The following C8B variants were observed in gnomAD, a reference collection of about 807,000 sequenced individuals.
C8B encodes the protein complement component C8 beta chain.
C8B carries 67 observed loss-of-function variants against 64.6 expected under a neutral mutation model. The observed-to-expected ratio is 1.04, with a 90% CI of 0.85 to 1.27. The LOEUF (loss-of-function observed/expected upper bound fraction) is 1.27, where lower values mean the gene tolerates loss of function less well. Among genes scored for constraint, C8B ranks in the 50% most tolerant of loss-of-function variants. The pLI is 0.00. For missense variants in C8B, 790 were observed against 725.2 expected (o/e 1.09, Z -1.03); for synonymous variants, 284 against 257.7 (o/e 1.10, Z -0.98).
rs761246922 is a variant in C8B at position 56,960,025 on chromosome 1, T to C, written c.244A>G (p.Lys82Glu). The C allele has an allele frequency of 6.2e-7, 1 of 1,614,168 alleles. No homozygotes were observed. The highest frequency in any genetic ancestry group is 1.1e-5 in the South Asian group (1 of 91,082). The change falls in exon 2 of 12, where the codon AAA becomes GAA. Residue 82 changes from lysine (K) to glutamate (E), a missense_variant. Transcript: ENST00000371237. ...SWTTCDPCQK[K>E]RYRYAYLLQP... The stretch of plus-strand genomic sequence containing the variant: ...TCCCAGGCCTGGTTGCTTACCCTTT[T>C]CTTCTGACAGGGGTCACATGTGGTC...
intron 1 of C8B, among the ~76,000 whole-genome samples, chr1:56,965,398 AGTGT>A (rs56761445): frequency 1.4e-5 from 2 of 142,578 alleles, no homozygotes; most frequent in African/African-American, 2.7e-5. Context: ...AGAGAGAGAG[AGTGT>A]GTGTGTGTGT....
rs2101477588 is a variant in C8B, at chr1:56,963,994, CT to C, written c.92+1862del. The C allele has an allele frequency of 1.2e-5, 12 of 985,348 alleles. No individual in the cohort carries two copies. The South Asian group carries it at 4.7e-4, about 39-fold the overall frequency. 61.0% of individuals were successfully genotyped at this position (985,348 alleles called of 1,614,324 possible). A position where few individuals can be genotyped will look rare whatever the true frequency, so the allele number is the denominator to read the frequency against. ...CTACTCGCAGATGGAATTCAAATAC[CT>C]GTCGTGTTCAAGACAGCCCCATGGG... is the stretch of plus-strand genomic sequence containing the variant. On this transcript the variant is annotated intron_variant, in intron 1 of 11. Coordinates refer to ENST00000371237, the MANE Select transcript of C8B (RefSeq NM_000066.4).
chr1:56,937,018 A>G (rs537789684), intron 9 of C8B, among the ~76,000 whole-genome samples: 1 of 152,234 alleles, frequency 6.6e-6, no homozygotes, highest in African/African-American at 2.4e-5. Flanking sequence ...GGACCAGAGT[A>G]ATTTGCTTTG....
chr1:56,952,362 A>T (rs1645035739), intron 4 of C8B, among the ~76,000 whole-genome samples, 182 bp from the exon 5 acceptor site: 1 of 152,164 alleles, frequency 6.6e-6, no homozygotes, highest in Non-Finnish European at 1.5e-5. Flanking sequence ...CACGTGCCCT[A>T]GTCCCCAGCC....
intron 6 of C8B, among the ~76,000 whole-genome samples, chr1:56,947,999 G>C (rs1369322369): frequency 6.6e-6 from 1 of 152,122 alleles, no homozygotes; most frequent in Non-Finnish European, 1.5e-5. Flanking sequence ...TTTCATGTTT[G>C]CTGCTCCTAC....
At chr1:56,958,833 T>A (rs949756622) in intron 2 of C8B, among the ~76,000 whole-genome samples, 3 of 152,202 alleles carry the variant, frequency 2.0e-5, no homozygotes, top group African/African-American at 7.2e-5. Flanking sequence ...ATTGATCCAA[T>A]TAACTGGGTG....
At position 56,955,788 on chromosome 1, in the gene C8B, C is replaced by A. The variant is rs532305499; in HGVS notation, c.392-961G>T. On this transcript the variant is annotated intron_variant, in intron 3 of 11. Transcript: ENST00000371237. The stretch of plus-strand genomic sequence containing the variant: ...GAAATTGCTCTAAGAATCCCTAACT[C>A]TTTCTTGAAAGATCCCCATGCACAG... 2.6e-5 allele frequency among the ~76,000 whole-genome samples: 4 copies of A among 152,340 alleles called. No homozygotes were observed. The East Asian group carries it at 7.7e-4, about 29-fold the overall frequency.
chr1:56,951,086 A>C (rs1312849786), intron 5 of C8B, among the ~76,000 whole-genome samples: 1 of 152,092 alleles, frequency 6.6e-6, no homozygotes, highest in Non-Finnish European at 1.5e-5. Flanking sequence ...TGGTGCAATA[A>C]ATACATTTTA....
At chr1:56,958,523 C>A (rs1015303038) in intron 2 of C8B, among the ~76,000 whole-genome samples, 4 of 152,102 alleles carry the variant, frequency 2.6e-5, no homozygotes, top group African/African-American at 9.7e-5. Flanking sequence ...AAGCTCCAGG[C>A]TCCAAAGGCA....
intron 2 of C8B, among the ~76,000 whole-genome samples, chr1:56,957,907 C>A (rs1232346263): frequency 6.6e-6 from 1 of 152,064 alleles, no homozygotes; most frequent in Non-Finnish European, 1.5e-5. Flanking sequence ...CTAAGTGACA[C>A]CTCAGCTGAA....
chr1:56,963,047 T>C lies in C8B; in HGVS notation c.92+2810A>G, dbSNP rs75996349. On this transcript the variant is annotated intron_variant, in intron 1 of 11. Transcript: ENST00000371237. ...TTTATATTTTCCCAATGTTTTGCGA[T>C]TGCAAATAGAGCTACAGTAAACGCC... 2.4e-3 allele frequency among the ~76,000 whole-genome samples: 367 copies of C among 152,358 alleles called. 3 individuals are homozygous for C. Among genetic ancestry groups the C allele is most frequent in the African/African-American group, 8.5e-3 (352 of 41,572 alleles).
intron 10 of C8B, among the ~76,000 whole-genome samples, chr1:56,932,743 C>T (rs1362473233): frequency 6.6e-6 from 1 of 152,214 alleles, no homozygotes; most frequent in Non-Finnish European, 1.5e-5. Context: ...TATATCCCTT[C>T]CGTTGAGCTA....
chr1:56,938,772 T>C (rs2101377389), intron 9 of C8B, among the ~76,000 whole-genome samples: 1 of 152,324 alleles, frequency 6.6e-6, no homozygotes, highest in South Asian at 2.1e-4. Context: ...TAGAAATTGC[T>C]TGTCTACTGG....
At chr1:56,935,512 C>T (rs1644763624) in intron 9 of C8B, among the ~76,000 whole-genome samples, 1 of 152,164 alleles carries the variant, frequency 6.6e-6, no homozygotes, top group South Asian at 2.1e-4. Flanking sequence ...TATCATATTG[C>T]TGCAAAGAAA....
At chr1:56,946,906 C>T (rs1045687841) in intron 6 of C8B, among the ~76,000 whole-genome samples, 1 of 152,198 alleles carries the variant, frequency 6.6e-6, no homozygotes, top group Non-Finnish European at 1.5e-5. Flanking sequence ...TGTGCTGGTG[C>T]CTATTGCCCT....
In C8B at chr1:56,943,841, A is replaced by G. The variant is rs764728845; in HGVS notation, c.1106-17T>C. ...GAGTATAATCTGAAGAAAACAAGGA[A>G]AAAGGTCCATGACGTAAAAGGTAGT... On this transcript the variant is annotated splice_polypyrimidine_tract_variant and intron_variant, in intron 7 of 11. Coordinates refer to ENST00000371237, the MANE Select transcript of C8B (RefSeq NM_000066.4). The G allele has an allele frequency of 1.2e-6, 2 of 1,613,732 alleles. No homozygotes were observed. The highest frequency in any genetic ancestry group is 1.1e-5 in the South Asian group (1 of 91,080).
intron 9 of C8B, among the ~76,000 whole-genome samples, chr1:56,934,164 C>CTTTTTTT (rs60467453): frequency 9.8e-5 from 14 of 143,398 alleles, no homozygotes; most frequent in Non-Finnish European, 1.1e-4. Flanking sequence ...GTGCAGGGTC[C>CTTTTTTT]TTTTTTTTTT....
chr1:56,929,254 CA>C lies in C8B; in HGVS notation c.*149del, dbSNP rs1644659255. The C allele has an allele frequency of 1.3e-6, 1 of 789,294 alleles. No homozygotes were observed. Among genetic ancestry groups the C allele is most frequent in the African/African-American group, 1.7e-5 (1 of 58,688 alleles). The allele number at this position is 789,294 out of a possible 1,614,324, so 48.9% of individuals were successfully genotyped here. ...TTTATTTAAATCAACTTGCATTTTA[CA>C]AGGTAACATCTTTATTTTAAACAGC... On this transcript the variant is annotated 3_prime_UTR_variant, in exon 12 of 12. Coordinates refer to ENST00000371237, the MANE Select transcript of C8B (RefSeq NM_000066.4).
At position 56,929,645 on chromosome 1, in the gene C8B, A is replaced by C. The variant is rs910835834; in HGVS notation, c.1622-87T>G. The C allele has an allele frequency of 9.5e-6, 12 of 1,268,974 alleles. No homozygotes were observed. In the African/African-American group the frequency reaches 1.6e-4, roughly 17 times the overall value. 78.6% of individuals were successfully genotyped at this position (1,268,974 alleles called of 1,614,324 possible). The stretch of plus-strand genomic sequence containing the variant: ...GGTTGGGTGAGCTATGTAAGCCAAA[A>C]GGCTTTGGGAGTCTGAATCTCTGAG... On this transcript the variant is annotated intron_variant, in intron 11 of 11. Transcript: ENST00000371237.
Sources: allele counts gnomAD v4.1 joint callset (sites outside exome capture counted in the v4.1 genomes callset), GRCh38; gene constraint gnomAD v4.1.1; transcripts MANE v1.5; gene names NCBI Gene and HGNC (gene_info 2026-07-23, HGNC 2026-07-21).